Variants in PARP14 observed in about 807,000 individuals in gnomAD.
PARP14 encodes protein mono-ADP-ribosyltransferase PARP14.
PARP14 carries 59 observed loss-of-function variants against 154.2 expected under a neutral mutation model. That is an observed-to-expected ratio of 0.38 (90% CI 0.31 to 0.48). The LOEUF (loss-of-function observed/expected upper bound fraction) is 0.48. PARP14 is among the 20% of genes least tolerant of loss of function. The probability of loss-of-function intolerance (pLI) is 0.98; values close to 1 mark genes in which losing one functional copy is unlikely to be tolerated. For missense variants in PARP14, 1,734 were observed against 2,131.6 expected, an observed-to-expected ratio of 0.81 and a Z score of 3.67; for synonymous variants, 720 against 780.5, an observed-to-expected ratio of 0.92 and a Z score of 1.29.
intron 4 of PARP14, among the ~76,000 whole-genome samples, chr3:122,695,020 A>T (rs1455546287): frequency 6.6e-6 from 1 of 152,256 alleles, no homozygotes; most frequent in Non-Finnish European, 1.5e-5. Context: ...ACCGAAGGTG[A>T]TGCTTGGAAA....
In PARP14 at chr3:122,681,015, C is replaced by A; in HGVS notation, c.132C>A (p.Val44=). ...PKRSGGGECE[V]RQDPRSPSRF... ...GGTCGGGAGGCGGCGAGTGTGAGGT[C>A]CGCCAGGATCCCAGGAGCCCATCCC... Residue 44 remains valine (V), a synonymous_variant, in exon 1 of 17, where the codon GTC becomes GTA. Coordinates refer to ENST00000474629, the MANE Select transcript of PARP14 (RefSeq NM_017554.3). The surrounding 1 kb of genome is among the most constrained non-coding windows in gnomAD (Gnocchi z 5.5). The A allele has an allele frequency of 6.2e-7, 1 of 1,613,784 alleles. No individual in the cohort carries two copies. Among genetic ancestry groups the A allele is most frequent in the Non-Finnish European group, 8.5e-7 (1 of 1,179,742 alleles).
chr3:122,708,091 C>T (rs1175767413), intron 8 of PARP14, 99 bp from the exon 9 acceptor site: 15 of 607,988 alleles, frequency 2.5e-5, no homozygotes, highest in African/African-American at 5.6e-5. Context: ...TGGTTATCTC[C>T]CAAATATGTA....
intron 14 of PARP14, among the ~76,000 whole-genome samples, chr3:122,719,449 C>T (rs1933102294): frequency 6.6e-6 from 1 of 152,152 alleles, no homozygotes. Flanking sequence ...TCACCTCTGC[C>T]AAGAGCAAAA....
At chr3:122,713,294 G>A in intron 9 of PARP14, 130 bp from the exon 10 acceptor site, 1 of 649,894 alleles carries the variant, frequency 1.5e-6, no homozygotes, top group East Asian at 2.7e-5. Flanking sequence ...AGCAGGGCCA[G>A]GTTAAAGACC....
At chr3:122,695,728 TA>T in intron 5 of PARP14, 66 bp downstream of exon 5, 1 of 725,434 alleles carries the variant, frequency 1.4e-6, no homozygotes. Context: ...TTAATAGTTA[TA>T]AATTTAGTTC....
intron 12 of PARP14, among the ~76,000 whole-genome samples, chr3:122,717,550 G>C (rs907962761): frequency 6.6e-6 from 1 of 152,174 alleles, no homozygotes; most frequent in African/African-American, 2.4e-5. Context: ...GTAGCACTGG[G>C]TGTCTTACTA....
intron 12 of PARP14, among the ~76,000 whole-genome samples, chr3:122,715,851 T>G (rs1169963045): frequency 6.6e-6 from 1 of 151,940 alleles, no homozygotes; most frequent in East Asian, 1.9e-4. Flanking sequence ...CCTGGTAGAG[T>G]CAAAAGAAGA....
rs974330167 is a variant in PARP14, at chr3:122,718,240, G to A, written c.4170G>A (p.Gln1390=). Residue 1390 remains glutamine (Q), a synonymous_variant, in exon 13 of 17, where the codon CAG becomes CAA. Coordinates refer to ENST00000474629, the MANE Select transcript of PARP14 (RefSeq NM_017554.3). Reference sequence around the variant, plus strand: ...ACATGAAGAAAAGAGAAGGGACTCAGCTTTCTTCCCAACAGTCTGTGATGT... The same window carrying A: ...ACATGAAGAAAAGAGAAGGGACTCAACTTTCTTCCCAACAGTCTGTGATGT... ...YANMKKREGT[Q]LSSQQSVMSK... 6.2e-7 allele frequency: 1 copy of A among 1,613,446 alleles called. No individual in the cohort carries two copies. Among genetic ancestry groups the A allele is most frequent in the South Asian group, 1.1e-5 (1 of 91,034 alleles).
At chr3:122,690,133 T>C (rs545766491) in intron 3 of PARP14, among the ~76,000 whole-genome samples, 1 of 152,300 alleles carries the variant, frequency 6.6e-6, no homozygotes, top group South Asian at 2.1e-4. Flanking sequence ...TCTTTTTTGG[T>C]CAATTAAGCC....
At chr3:122,727,773 C>T (rs1282884994) in intron 15 of PARP14, 39 bp from the exon 16 acceptor site, 1 of 1,377,282 alleles carries the variant, frequency 7.3e-7, no homozygotes. Context: ...GGCAAGTGCT[C>T]TTGGAACTGG....
At chr3:122,688,829 T>G (rs1464978073) in intron 3 of PARP14, among the ~76,000 whole-genome samples, 1 of 152,144 alleles carries the variant, frequency 6.6e-6, no homozygotes, top group Non-Finnish European at 1.5e-5. Flanking sequence ...CATTGCACCA[T>G]GAATGCACTA....
Position 122,680,853 on chromosome 3 carries a change from C to T in PARP14, c.-31C>T, listed in dbSNP as rs1171938228. On this transcript the variant is annotated 5_prime_UTR_variant, in exon 1 of 17. Coordinates refer to ENST00000474629, the MANE Select transcript of PARP14 (RefSeq NM_017554.3). The stretch of plus-strand genomic sequence containing the variant: ...GTTAGCGGCCCGGAGTTGGCGCGGC[C>T]CCTGCAGTCCGGCGGAGAGCGGAGC... 1.3e-6 allele frequency: 2 copies of T among 1,546,456 alleles called. No homozygotes were observed. The highest frequency in any genetic ancestry group is 2.3e-5 in the South Asian group (2 of 85,546).
At chr3:122,697,431 A>G (rs1052816779) in intron 5 of PARP14, among the ~76,000 whole-genome samples, 3 of 152,220 alleles carry the variant, frequency 2.0e-5, no homozygotes, top group African/African-American at 7.2e-5. Flanking sequence ...AGTGAGTGAC[A>G]TAGTCAGGAT....
intron 9 of PARP14, among the ~76,000 whole-genome samples, chr3:122,710,674 T>A (rs543615121): frequency 6.6e-6 from 1 of 152,202 alleles, no homozygotes; most frequent in Admixed American, 6.5e-5. Context: ...ATATTGATAA[T>A]TCCCATCCAT....
At chr3:122,704,836 C>A in intron 8 of PARP14, 88 bp downstream of exon 8, 1 of 673,754 alleles carries the variant, frequency 1.5e-6, no homozygotes, top group South Asian at 2.2e-5. Context: ...ATACTTTTTT[C>A]ATTCATTTCC....
At chr3:122,696,795 G>C (rs1413661834) in intron 5 of PARP14, among the ~76,000 whole-genome samples, 1 of 151,924 alleles carries the variant, frequency 6.6e-6, no homozygotes, top group African/African-American at 2.4e-5. Flanking sequence ...AACTCTATGA[G>C]GCACTCTCAA....
intron 6 of PARP14, among the ~76,000 whole-genome samples, chr3:122,702,201 A>G (rs1006199818): frequency 6.6e-6 from 1 of 151,952 alleles, no homozygotes; most frequent in African/African-American, 2.4e-5. Flanking sequence ...GGTTGGAGGG[A>G]GGCTAATATG....
Position 122,699,604 on chromosome 3 carries a change from T to C in PARP14, c.1050T>C (p.Arg350=), listed in dbSNP as rs1334511691. 6.2e-7 allele frequency: 1 copy of C among 1,613,930 alleles called. No individual in the cohort carries two copies. The highest frequency in any genetic ancestry group is 8.5e-7 in the Non-Finnish European group (1 of 1,179,804). The change falls in exon 6 of 17, where the codon CGT becomes CGC. Residue 350 remains arginine, a synonymous_variant. Coordinates refer to ENST00000474629, the MANE Select transcript of PARP14 (RefSeq NM_017554.3). The part of the protein sequence containing the change: ...LIEEINDEMR[R]CHCELTWSQL... The stretch of plus-strand genomic sequence containing the variant: ...AGGAGATAAACGATGAAATGAGGCG[T>C]TGTCACTGTGAGCTCACGTGGTCCC...
At chr3:122,715,595 CATCT>C (rs56863397) in intron 12 of PARP14, among the ~76,000 whole-genome samples, 47,152 of 142,236 alleles carry the variant, frequency 0.33, 7,716 homozygotes, top group African/African-American at 0.36. Context: ...CTCTACCAGT[CATCT>C]ATCTATCTAT....
Sources: gnomAD v4.1 joint callset for allele counts (sites outside exome capture counted in the v4.1 genomes callset) on GRCh38, gnomAD v4.1.1 for gene constraint, Gnocchi (gnomAD v3.1) non-coding constraint, MANE v1.5 for transcripts, NCBI Gene and HGNC (gene_info 2026-07-23, HGNC 2026-07-21) for gene names.